CNTN5: variants seen among roughly 807,000 people sequenced by gnomAD.
CNTN5 encodes the protein contactin 5, also known as contactin-5.
Under a neutral mutation model 129.1 loss-of-function variants are expected in CNTN5, and 77 were observed. That is an observed-to-expected ratio of 0.60 (90% CI 0.50 to 0.72). The LOEUF is 0.72. Ranked by LOEUF, CNTN5 falls within the 30% of genes least tolerant of loss-of-function variation. CNTN5 has a pLI of 0.00. For synonymous variants in CNTN5, 509 were observed against 465.6 expected, an observed-to-expected ratio of 1.09 and a Z score of -1.20; for missense variants, 1,478 against 1,328.8, an observed-to-expected ratio of 1.11 and a Z score of -1.75.
At chr11:99,705,153 T>TA (rs1954700618) in intron 3 of CNTN5, among the ~76,000 whole-genome samples, 1 of 151,368 alleles carries the variant, frequency 6.6e-6, no homozygotes, top group South Asian at 2.1e-4. Flanking sequence ...GTTGAACACA[T>TA]ACATATTCTT....
chr11:99,741,748 T>A (rs1943893946), intron 3 of CNTN5, among the ~76,000 whole-genome samples: 1 of 152,150 alleles, frequency 6.6e-6, no homozygotes, highest in African/African-American at 2.4e-5. Context: ...ATTTAGAAAG[T>A]TCATTTAAAT....
chr11:100,237,188 C>CA (rs397977189), intron 16 of CNTN5, among the ~76,000 whole-genome samples: 15,963 of 70,466 alleles, frequency 0.23, 1,333 homozygotes, highest in African/African-American at 0.25. Flanking sequence ...GACTCCGTCT[C>CA]AAAAAAAAAA....
At chr11:99,703,310 A>G (rs1954607692) in intron 3 of CNTN5, among the ~76,000 whole-genome samples, 1 of 147,556 alleles carries the variant, frequency 6.8e-6, no homozygotes, top group Non-Finnish European at 1.5e-5. Context: ...GATGCAGATT[A>G]AATTATCTAG....
At chr11:99,964,681 G>C (rs9733953) in intron 8 of CNTN5, among the ~76,000 whole-genome samples, 12 of 151,890 alleles carry the variant, frequency 7.9e-5, no homozygotes, top group Admixed American at 3.9e-4. Context: ...CATAAAATGA[G>C]TTAGGGAGGA....
intron 3 of CNTN5, among the ~76,000 whole-genome samples, chr11:99,632,891 C>CTT: frequency 6.6e-6 from 1 of 151,358 alleles, no homozygotes; most frequent in African/African-American, 2.4e-5. Flanking sequence ...AAGGTATCTT[C>CTT]TTGGGGGGGT....
intron 13 of CNTN5, among the ~76,000 whole-genome samples, chr11:100,075,746 A>G (rs1944100205): frequency 6.6e-6 from 1 of 152,106 alleles, no homozygotes; most frequent in African/African-American, 2.4e-5. Context: ...TCTAGGTTTT[A>G]TAGTTTGCTT....
intron 13 of CNTN5, among the ~76,000 whole-genome samples, chr11:100,129,993 C>T (rs1196764199): frequency 6.6e-6 from 1 of 151,986 alleles, no homozygotes; most frequent in Non-Finnish European, 1.5e-5. Context: ...GGAATATAGA[C>T]TGGAAATCAT....
intron 3 of CNTN5, among the ~76,000 whole-genome samples, chr11:99,560,673 A>G (rs187240229): frequency 7.6e-4 from 116 of 152,264 alleles, no homozygotes; most frequent in Non-Finnish European, 9.9e-4. Context: ...AGTCTGCAAA[A>G]CTAAAGGCAA....
chr11:99,782,894 T>A (rs866421600), intron 3 of CNTN5, among the ~76,000 whole-genome samples: 2 of 151,604 alleles, frequency 1.3e-5, no homozygotes, highest in African/African-American at 4.8e-5. Context: ...AACCTAGGCA[T>A]TACCATTCAG....
At chr11:99,446,109 A>C (rs980929203) in intron 2 of CNTN5, among the ~76,000 whole-genome samples, 2 of 151,004 alleles carry the variant, frequency 1.3e-5, no homozygotes, top group Admixed American at 1.3e-4. Context: ...AAACAACCAA[A>C]CTTCCTTGGA....
chr11:99,739,061 G>C (rs185939594), intron 3 of CNTN5, among the ~76,000 whole-genome samples: 1 of 152,214 alleles, frequency 6.6e-6, no homozygotes, highest in Admixed American at 6.5e-5. Flanking sequence ...GTACCCTTCT[G>C]TCTTTTATTT....
At chr11:99,735,436 G>A (rs1441772057) in intron 3 of CNTN5, among the ~76,000 whole-genome samples, 2 of 152,060 alleles carry the variant, frequency 1.3e-5, no homozygotes, top group Admixed American at 1.3e-4. Context: ...CACCAATTTT[G>A]GTTAAAATTT....
chr11:99,659,676 A>G (rs180696063), intron 3 of CNTN5, among the ~76,000 whole-genome samples: 1 of 152,270 alleles, frequency 6.6e-6, no homozygotes, highest in Admixed American at 6.5e-5. Context: ...CTTCCTCTGG[A>G]AACCTCAGTC....
intron 1 of CNTN5, among the ~76,000 whole-genome samples, chr11:99,254,845 T>C (rs1371415899): frequency 6.6e-6 from 1 of 151,960 alleles, no homozygotes; most frequent in African/African-American, 2.4e-5. Flanking sequence ...ATGTGCTTAA[T>C]AAAAGGTGAA....
chr11:99,695,860 T>C (rs1296481648), intron 3 of CNTN5, among the ~76,000 whole-genome samples: 1 of 152,148 alleles, frequency 6.6e-6, no homozygotes, highest in Admixed American at 6.6e-5. Flanking sequence ...GGAAACCTCT[T>C]CTATAAAATG....
chr11:99,224,765 C>G (rs1441726661), intron 1 of CNTN5, among the ~76,000 whole-genome samples: 1 of 146,182 alleles, frequency 6.8e-6, no homozygotes, highest in East Asian at 2.1e-4. Context: ...TCAAGTGCTT[C>G]TCCTGTCTCA....
intron 6 of CNTN5, among the ~76,000 whole-genome samples, chr11:99,855,224 T>C (rs957447369): frequency 6.6e-6 from 1 of 152,104 alleles, no homozygotes; most frequent in South Asian, 2.1e-4. Context: ...TGGGATGATC[T>C]GTTGAGCCCG....
At chr11:99,713,301 T>C (rs1008086352) in intron 3 of CNTN5, among the ~76,000 whole-genome samples, 2 of 151,904 alleles carry the variant, frequency 1.3e-5, no homozygotes, top group African/African-American at 2.4e-5. Context: ...TTGTTGTTGT[T>C]GTTATTGGTG....
intron 1 of CNTN5, among the ~76,000 whole-genome samples, chr11:99,192,014 G>C (rs774810500): frequency 5.3e-5 from 8 of 151,556 alleles, no homozygotes; most frequent in Non-Finnish European, 8.9e-5. Flanking sequence ...CAACTAACTT[G>C]AGTTGTATTT....
Sources: gnomAD v4.1 joint callset for allele counts (sites outside exome capture counted in the v4.1 genomes callset) on GRCh38, gnomAD v4.1.1 for gene constraint, MANE v1.5 for transcripts, NCBI Gene and HGNC (gene_info 2026-07-23, HGNC 2026-07-21) for gene names.